The following ZNF493 variants were observed in gnomAD, a reference collection of about 807,000 sequenced individuals.
ZNF493 encodes the protein zinc finger protein 493.
In ZNF493, 11 loss-of-function variants were observed where a neutral mutation model predicts 12.2. The ratio of observed to expected loss-of-function variants is 0.90; its 90% CI spans 0.57 to 1.50. The LOEUF is 1.50. Ranked by LOEUF, ZNF493 falls within the 40% of genes most tolerant of loss-of-function variation. ZNF493 has a pLI of 0.00. For synonymous variants in ZNF493, 286 were observed against 302.6 expected (o/e 0.95, Z 0.57); for missense variants, 950 against 906.6 (o/e 1.05, Z -0.61).
intron 3 of ZNF493, chr19:21,414,175 CAAAG>C (rs1413174936): frequency 6.6e-6 from 1 of 151,788 alleles, no homozygotes; most frequent in Non-Finnish European, 1.5e-5. Context: ...GTAGCCCAGA[CAAAG>C]TAAGAAAAGG....
intron 1 of ZNF493, chr19:21,398,294 C>T (rs904245402): frequency 1.9e-5 from 3 of 154,512 alleles, no homozygotes; most frequent in African/African-American, 7.2e-5. Context: ...TTAAATGGTG[C>T]ATTTAAAGAG....
At chr19:21,405,363 G>A (rs2650847) in intron 2 of ZNF493, 108 bp downstream of exon 2, 1,086,671 of 1,505,884 alleles carry the variant, frequency 0.72, 392,484 homozygotes, top group African/African-American at 0.74. Flanking sequence ...TGAGTTTCTG[G>A]TGCCTGTTTT....
Position 21,424,848 on chromosome 19 carries a change from A to T in ZNF493, c.2189A>T (p.Lys730Ile), listed in dbSNP as rs1156275422. The T allele has an allele frequency of 6.2e-7, 1 of 1,612,508 alleles. No individual in the cohort carries two copies. Among genetic ancestry groups the T allele is most frequent in the East Asian group, 2.2e-5 (1 of 44,762 alleles). ...TTTAACCATTCCTCAAACCTTATTA[A>T]ACATAAGCTAATTCATACTGGAGAC... ...KAFNHSSNLI[K>I]HKLIHTGDKP... The change falls in exon 4 of 4, where the codon AAA becomes ATA. Residue 730 changes from lysine (K) to isoleucine (I), a missense_variant. Physicochemically the swap from Lys to Ile is moderately radical, Grantham distance 102. Coordinates refer to ENST00000392288, the MANE Select transcript of ZNF493 (RefSeq NM_001076678.3).
intron 1 of ZNF493, among the ~76,000 whole-genome samples, chr19:21,400,709 C>T (rs1407169444): frequency 1.3e-5 from 2 of 152,126 alleles, no homozygotes; most frequent in Non-Finnish European, 2.9e-5. Context: ...TCCTGGAAAG[C>T]TACAGGCAGA....
rs951706154 is a variant in ZNF493, at chr19:21,424,978, A to G, written c.2319A>G (p.Gln773=). 2 of 1,585,062 alleles carry G rather than the reference A, an allele frequency of 1.3e-6. No homozygotes were observed. Among genetic ancestry groups the G allele is most frequent in the African/African-American group, 1.4e-5 (1 of 73,516 alleles). The change falls in exon 4 of 4, where the codon CAA becomes CAG. Residue 773 remains glutamine (Q), a synonymous_variant. Transcript: ENST00000392288. ...HIGIHTEETV[Q]K ...GAATTCATACTGAAGAGACTGTACA[A>G]AAGTGAAGAATGTGGCAAAGGCCTT...
chr19:21,423,507 A>C lies in ZNF493; in HGVS notation c.848A>C (p.His283Pro). The C allele has an allele frequency of 6.2e-7, 1 of 1,613,850 alleles. No homozygotes were observed. Among genetic ancestry groups the C allele is most frequent in the African/African-American group, 1.3e-5 (1 of 75,038 alleles). ...SFYQFSYLTR[H>P]KLIHTREKPY... ...TACCAATTCTCATACCTTACTAGGC[A>C]TAAGCTAATTCATACTAGAGAGAAA... The change falls in exon 4 of 4, where the codon CAT becomes CCT. Residue 283 changes from histidine to proline, a missense_variant. Coordinates refer to ENST00000392288, the MANE Select transcript of ZNF493 (RefSeq NM_001076678.3).
intron 3 of ZNF493, among the ~76,000 whole-genome samples, chr19:21,418,466 T>C (rs1298988228): frequency 6.6e-6 from 1 of 152,178 alleles, no homozygotes; most frequent in African/African-American, 2.4e-5. Flanking sequence ...GGCTTAGTTC[T>C]ACATTCTCCA....
At chr19:21,400,042 T>G (rs2145260263) in intron 1 of ZNF493, among the ~76,000 whole-genome samples, 1 of 152,346 alleles carries the variant, frequency 6.6e-6, no homozygotes, top group African/African-American at 2.4e-5. Context: ...GCATGATTTT[T>G]AGTGGAATTA....
chr19:21,398,647 G>T, intron 1 of ZNF493: 1 of 410,200 alleles, frequency 2.4e-6, no homozygotes. Context: ...TCTCAAGGGA[G>T]CAAGTGGATA....
At chr19:21,412,853 T>G (rs1275905381) in intron 3 of ZNF493, 1 of 347,824 alleles carries the variant, frequency 2.9e-6, no homozygotes, top group African/African-American at 2.3e-5. Flanking sequence ...TCCCAAATTT[T>G]GATCTTATTA....
intron 3 of ZNF493, among the ~76,000 whole-genome samples, chr19:21,416,934 G>T (rs1040175297): frequency 6.6e-6 from 1 of 152,140 alleles, no homozygotes; most frequent in Non-Finnish European, 1.5e-5. Context: ...GAACTTTAGC[G>T]GGGGTTCCCA....
chr19:21,424,476 G>A lies in ZNF493; in HGVS notation c.1817G>A (p.Cys606Tyr). ...AAGAAACCCTACAAATGTGAAGAAT[G>A]TGGCAAAGCTTTTAACCGATCTTCA... is the stretch of plus-strand genomic sequence containing the variant. ...TDKKPYKCEE[C>Y]GKAFNRSSIL... The change falls in exon 4 of 4, where the codon TGT (cysteine) becomes TAT (tyrosine). Residue 606 changes from cysteine (C) to tyrosine (Y), a missense_variant. Transcript: ENST00000392288. 1 of 1,613,376 alleles carries A rather than the reference G, an allele frequency of 6.2e-7. No homozygotes were observed. The highest frequency in any genetic ancestry group is 8.5e-7 in the Non-Finnish European group (1 of 1,179,746).
intron 1 of ZNF493, among the ~76,000 whole-genome samples, chr19:21,402,184 G>T (rs1377066092): frequency 4.0e-5 from 6 of 150,672 alleles, no homozygotes; most frequent in African/African-American, 1.5e-4. Context: ...AGCCAGGCTG[G>T]TCTCGATCTC....
rs2030391287 is a variant in ZNF493 at position 21,413,539 on chromosome 19, G to T, written c.253+7683G>T. ...TGGCTGTGTTCGACGTGTGTTGCTT[G>T]TGACGCTTGGGGTTGTCCTCAGCAT... On this transcript the variant is annotated intron_variant, in intron 3 of 3. Coordinates refer to ENST00000392288, the MANE Select transcript of ZNF493 (RefSeq NM_001076678.3). 9.9e-6 allele frequency: 4 copies of T among 402,108 alleles called. No individual in the cohort carries two copies. The South Asian group carries it at 3.7e-4, about 37-fold the overall frequency. The allele number at this position is 402,108 out of a possible 1,614,324, so 24.9% of individuals were successfully genotyped here. A position where few individuals can be genotyped will look rare whatever the true frequency, so the allele number is the denominator to read the frequency against.
intron 3 of ZNF493, chr19:21,408,708 A>G: frequency 1.0e-6 from 1 of 985,088 alleles, no homozygotes; most frequent in Non-Finnish European, 1.2e-6. Flanking sequence ...GTTTTTGGTT[A>G]TGTATTATAA....
chr19:21,399,774 C>G (rs967598570), intron 1 of ZNF493, among the ~76,000 whole-genome samples: 2 of 151,554 alleles, frequency 1.3e-5, no homozygotes, highest in African/African-American at 4.8e-5. Flanking sequence ...TAGAGTGCTG[C>G]CAAGAAAAAG....
At chr19:21,421,811 C>T (rs1335147928) in intron 3 of ZNF493, among the ~76,000 whole-genome samples, 4 of 152,064 alleles carry the variant, frequency 2.6e-5, no homozygotes, top group African/African-American at 9.7e-5. Flanking sequence ...TGTGTCTTGT[C>T]TGAAATTTTG....
Position 21,424,247 on chromosome 19 carries a change from T to G in ZNF493, c.1588T>G (p.Ser530Ala). The change falls in exon 4 of 4, where the codon TCA (serine) becomes GCA (alanine). Residue 530 changes from serine (S) to alanine (A), a missense_variant. Physicochemically the swap from Ser to Ala is moderately conservative, Grantham distance 99. Transcript: ENST00000392288. Reference protein sequence around the residue: ...EECGKAFKRSSTLTIHKMIHT... With the variant: ...EECGKAFKRSATLTIHKMIHT... The stretch of plus-strand genomic sequence containing the variant: ...ATGTGGCAAAGCTTTTAAACGATCT[T>G]CAACCCTTACTATACATAAAATGAT... 1 of 1,612,420 alleles carries G rather than the reference T, an allele frequency of 6.2e-7. No homozygotes were observed. The highest frequency in any genetic ancestry group is 8.5e-7 in the Non-Finnish European group (1 of 1,178,932).
At chr19:21,408,129 T>G in intron 3 of ZNF493, 1 of 964,728 alleles carries the variant, frequency 1.0e-6, no homozygotes, top group Non-Finnish European at 1.2e-6. Flanking sequence ...TTTTTTTTTT[T>G]TTTTTTTTTT....
Sources: allele counts gnomAD v4.1 joint callset (sites outside exome capture counted in the v4.1 genomes callset), GRCh38; gene constraint gnomAD v4.1.1; transcripts MANE v1.5; gene names NCBI Gene and HGNC (gene_info 2026-07-23, HGNC 2026-07-21).